Variants in ZNF774 observed in about 807,000 individuals in gnomAD.
ZNF774 encodes the protein zinc finger protein 774.
Under a neutral mutation model 11.1 loss-of-function variants are expected in ZNF774, and 14 were observed. The observed-to-expected ratio is 1.26, with a 90% CI of 0.83 to 1.97. The LOEUF is 1.97. Ranked by LOEUF, ZNF774 falls within the 30% of genes most tolerant of loss-of-function variation. ZNF774 has a pLI of 0.00. For missense variants in ZNF774, 599 were observed against 587.0 expected, an observed-to-expected ratio of 1.02 and a Z score of -0.21; for synonymous variants, 195 against 212.6, an observed-to-expected ratio of 0.92 and a Z score of 0.72.
At position 90,354,599 on chromosome 15, in the gene ZNF774, T is replaced by C. The variant is rs1325072857; in HGVS notation, c.-19-43T>C. The C allele has an allele frequency of 2.2e-6, 3 of 1,339,714 alleles. No homozygotes were observed. In the East Asian group the frequency reaches 7.3e-5, roughly 33 times the overall value. 83.0% of individuals were successfully genotyped at this position (1,339,714 alleles called of 1,614,324 possible). A position where few individuals can be genotyped will look rare whatever the true frequency, so the allele number is the denominator to read the frequency against. On this transcript the variant is annotated intron_variant, in intron 1 of 3. Transcript: ENST00000354377. ...TTTGGCTTTCAGACAATGGTGAGAA[T>C]ATCTAGGGAGCTACTGATGCACATT...
At position 90,355,489 on chromosome 15, in the gene ZNF774, C is replaced by T. The variant is rs552218681; in HGVS notation, c.104+725C>T. ...CCTGTAATCCCAGCACTTTGGTAGG[C>T]TGAGGTGGGCGGATCATAAGGTCAG... On this transcript the variant is annotated intron_variant, in intron 2 of 3. Coordinates refer to ENST00000354377, the MANE Select transcript of ZNF774 (RefSeq NM_001004309.3). 299 of 454,914 alleles carry T rather than the reference C, an allele frequency of 6.6e-4. 6 individuals are homozygous for T. The highest frequency in any genetic ancestry group is 4.5e-3 in the South Asian group (292 of 64,548). 28.2% of individuals were successfully genotyped at this position (454,914 alleles called of 1,614,324 possible).
Position 90,360,158 on chromosome 15 carries a change from A to T in ZNF774, c.327A>T (p.Gly109=), listed in dbSNP as rs1472214453. ...TTTCTCATACTCTTAGTTGGGGAGG[A>T]AACTGGGAGCAAGGCCTAGAATTAG... ...KDLSHTLSWG[G]NWEQGLELEG... The change falls in exon 4 of 4, where the codon GGA becomes GGT. Residue 109 remains glycine (G), a synonymous_variant. Coordinates refer to ENST00000354377, the MANE Select transcript of ZNF774 (RefSeq NM_001004309.3). 3 of 1,614,094 alleles carry T rather than the reference A, an allele frequency of 1.9e-6. No individual in the cohort carries two copies. Among genetic ancestry groups the T allele is most frequent in the Non-Finnish European group, 2.5e-6 (3 of 1,180,050 alleles).
rs761373842 is a variant in ZNF774, at chr15:90,354,765, G to T, written c.104+1G>T. On this transcript the variant is annotated splice_donor_variant, in intron 2 of 3. Coordinates refer to ENST00000354377, the MANE Select transcript of ZNF774 (RefSeq NM_001004309.3). LOFTEE classifies it high-confidence loss of function. ...AGTTAGAAGAATGGGCTCTCAAAGG[G>T]TAAGAATGCTACTCTCCTTTATTTC... 1.2e-6 allele frequency: 2 copies of T among 1,603,322 alleles called. No homozygotes were observed. The highest frequency in any genetic ancestry group is 1.7e-5 in the Admixed American group (1 of 59,420).
Position 90,360,843 on chromosome 15 carries a change from A to G in ZNF774, c.1012A>G (p.Met338Val), listed in dbSNP as rs771681769. 4.3e-6 allele frequency: 7 copies of G among 1,614,114 alleles called. No homozygotes were observed. Among genetic ancestry groups the G allele is most frequent in the South Asian group, 1.1e-5 (1 of 91,086 alleles). The change falls in exon 4 of 4, where the codon ATG becomes GTG. Residue 338 changes from methionine (M) to valine (V), a missense_variant. Met to Val is a conservative substitution (Grantham distance 21). Transcript: ENST00000354377. ...FRDSSHFVAH[M>V]STHSGERPFS... is the part of the protein sequence containing the mutation. ...AGATAGTTCTCATTTTGTAGCTCACATGAGCACTCATTCAGGAGAGAGGCC... is the reference window on the plus strand; with the variant it reads ...AGATAGTTCTCATTTTGTAGCTCACGTGAGCACTCATTCAGGAGAGAGGCC...
In ZNF774 at chr15:90,352,333, G is replaced by C. The variant is rs1964184032; in HGVS notation, c.-98G>C. 1 of 152,504 alleles carries C rather than the reference G, an allele frequency of 6.6e-6. No homozygotes were observed. Among genetic ancestry groups the C allele is most frequent in the African/African-American group, 2.4e-5 (1 of 41,468 alleles). The allele number at this position is 152,504 out of a possible 1,614,324, so 9.4% of individuals were successfully genotyped here. ...TCCCGGTCGGGTTCTGGGAGGCACAGCCTCGGGGTTGCGGGCCGGGTGCGG... is the reference window on the plus strand; with the variant it reads ...TCCCGGTCGGGTTCTGGGAGGCACACCCTCGGGGTTGCGGGCCGGGTGCGG... On this transcript the variant is annotated 5_prime_UTR_variant, in exon 1 of 4. Transcript: ENST00000354377.
rs1216923262 is a variant in ZNF774 at position 90,360,373 on chromosome 15, G to A, written c.542G>A (p.Cys181Tyr). 2 of 1,614,122 alleles carry A rather than the reference G, an allele frequency of 1.2e-6. No individual in the cohort carries two copies. The highest frequency in any genetic ancestry group is 2.2e-5 in the East Asian group (1 of 44,890). ...RTHTGERPYT[C>Y]IECGKGFKQS... ...CACACTGGCGAGAGGCCCTATACGT[G>A]CATTGAGTGTGGGAAAGGCTTCAAA... Residue 181 changes from cysteine (C) to tyrosine (Y), a missense_variant, in exon 4 of 4, where the codon TGC becomes TAC. Cys to Tyr is a radical substitution (Grantham distance 194). Transcript: ENST00000354377.
intron 2 of ZNF774, among the ~76,000 whole-genome samples, chr15:90,356,080 C>T: frequency 6.7e-6 from 1 of 148,184 alleles, no homozygotes; most frequent in Admixed American, 6.7e-5. Flanking sequence ...TGCTCTTTCT[C>T]AAATATCATG....
In ZNF774 at chr15:90,358,914, C is replaced by T. The variant is rs1964284315; in HGVS notation, c.168C>T (p.Leu56=). The change falls in exon 3 of 4, where the codon CTC becomes CTT. Residue 56 remains leucine, a synonymous_variant. Transcript: ENST00000354377. The part of the protein sequence containing the change: ...EQKEEPWVLP[L]QNFEARKIPR... The stretch of plus-strand genomic sequence containing the variant: ...AAGAAGAGCCATGGGTCCTACCACT[C>T]CAAAACTTTGAGGCGAGGAAGATCC... 6.2e-7 allele frequency: 1 copy of T among 1,613,776 alleles called. No homozygotes were observed. Among genetic ancestry groups the T allele is most frequent in the Non-Finnish European group, 8.5e-7 (1 of 1,179,818 alleles).
In ZNF774 at chr15:90,358,911, A is replaced by G; in HGVS notation, c.165A>G (p.Pro55=). Residue 55 remains proline, a synonymous_variant, in exon 3 of 4, where the codon CCA becomes CCG. Transcript: ENST00000354377. ...AGAAAGAAGAGCCATGGGTCCTACC[A>G]CTCCAAAACTTTGAGGCGAGGAAGA... The part of the protein sequence containing the change: ...PEQKEEPWVL[P]LQNFEARKIP... 4.3e-6 allele frequency: 7 copies of G among 1,613,654 alleles called. No homozygotes were observed. Among genetic ancestry groups the G allele is most frequent in the Non-Finnish European group, 5.9e-6 (7 of 1,179,800 alleles).
chr15:90,356,780 TTG>T (rs1232350053), intron 2 of ZNF774, among the ~76,000 whole-genome samples: 3 of 152,238 alleles, frequency 2.0e-5, no homozygotes, highest in African/African-American at 4.8e-5. Context: ...TATTATTTTG[TTG>T]ATGAAGTCAA....
intron 2 of ZNF774, 36 bp downstream of exon 2, chr15:90,354,800 T>C: frequency 6.5e-7 from 1 of 1,544,468 alleles, no homozygotes; most frequent in Non-Finnish European, 8.9e-7. Flanking sequence ...CATTTATTTA[T>C]CTTGTTTTTT....
In ZNF774 at chr15:90,361,648, C is replaced by T. The variant is rs1596233379; in HGVS notation, c.*365C>T. 4.0e-6 allele frequency: 2 copies of T among 499,876 alleles called. No homozygotes were observed. Among genetic ancestry groups the T allele is most frequent in the East Asian group, 2.5e-4 (2 of 7,970 alleles). 31.0% of individuals were successfully genotyped at this position (499,876 alleles called of 1,614,324 possible). ...TGAGCATGGTGAAACCTCATCTCTA[C>T]TAAAAATGCAAAAATTAGCTGGGCA... is the stretch of plus-strand genomic sequence containing the variant. On this transcript the variant is annotated 3_prime_UTR_variant, in exon 4 of 4. Transcript: ENST00000354377.
rs763857241 is a variant in ZNF774 at position 90,361,170 on chromosome 15, C to T, written c.1339C>T (p.Leu447Phe). The T allele has an allele frequency of 6.2e-7, 1 of 1,614,194 alleles. No homozygotes were observed. The highest frequency in any genetic ancestry group is 1.1e-5 in the South Asian group (1 of 91,084). The change falls in exon 4 of 4, where the codon CTC becomes TTC. Residue 447 changes from leucine to phenylalanine, a missense_variant. Transcript: ENST00000354377. ...GKTFNQRSHF[L>F]THQRTHTGEK... ...GACCTTCAATCAGCGTTCCCATTTC[C>T]TCACACACCAGAGAACGCATACAGG... is the stretch of plus-strand genomic sequence containing the variant.
At position 90,358,882 on chromosome 15, in the gene ZNF774, G is replaced by A. The variant is rs376425989; in HGVS notation, c.136G>A (p.Glu46Lys). ...ISRPSVISQPEQKEEPWVLPL... is the reference protein window; with the variant it reads ...ISRPSVISQPKQKEEPWVLPL... ...CAGGCCTAGTGTAATCTCCCAGCCG[G>A]AGCAGAAAGAAGAGCCATGGGTCCT... Residue 46 changes from glutamate (E) to lysine (K), a missense_variant, in exon 3 of 4, where the codon GAG becomes AAG. Physicochemically the swap from Glu to Lys is moderately conservative, Grantham distance 56. Coordinates refer to ENST00000354377, the MANE Select transcript of ZNF774 (RefSeq NM_001004309.3). 1 of 1,613,420 alleles carries A rather than the reference G, an allele frequency of 6.2e-7. No individual in the cohort carries two copies. The highest frequency in any genetic ancestry group is 8.5e-7 in the Non-Finnish European group (1 of 1,179,606).
intron 2 of ZNF774, among the ~76,000 whole-genome samples, chr15:90,357,965 G>A (rs1183573122): frequency 6.7e-6 from 1 of 149,118 alleles, no homozygotes; most frequent in Admixed American, 6.8e-5. Context: ...GTGTGACCTC[G>A]ATTCACCATA....
chr15:90,359,634 T>C (rs1328994670), intron 3 of ZNF774, among the ~76,000 whole-genome samples: 3 of 152,024 alleles, frequency 2.0e-5, no homozygotes, highest in Admixed American at 2.0e-4. Context: ...TTCATATTTT[T>C]AGTAGGGATG....
chr15:90,360,794 C>T lies in ZNF774; in HGVS notation c.963C>T (p.Cys321=), dbSNP rs752842144. ...ACACGGGAGAACGGCCCTTCAAATGCCCGGAGTGCGGGAAGGGCTTCAGAG... is the reference window on the plus strand; with the variant it reads ...ACACGGGAGAACGGCCCTTCAAATGTCCGGAGTGCGGGAAGGGCTTCAGAG... The part of the protein sequence containing the change: ...RTHTGERPFK[C]PECGKGFRDS... Residue 321 remains cysteine (C), a synonymous_variant, in exon 4 of 4, where the codon TGC becomes TGT. Transcript: ENST00000354377. 13 of 1,613,936 alleles carry T rather than the reference C, an allele frequency of 8.1e-6. 1 individual carries two copies. Among genetic ancestry groups the T allele is most frequent in the South Asian group, 5.5e-5 (5 of 91,086 alleles).
intron 1 of ZNF774, among the ~76,000 whole-genome samples, chr15:90,352,815 TGAG>T (rs1321131024): frequency 4.6e-5 from 7 of 151,982 alleles, no homozygotes; most frequent in Non-Finnish European, 1.0e-4. Context: ...GTGGGGCCTT[TGAG>T]GTCACCTGTG....
rs1964340231 is a variant in ZNF774 at position 90,361,721 on chromosome 15, A to G, written c.*438A>G. The G allele has an allele frequency of 6.0e-6, 1 of 166,600 alleles. No individual in the cohort carries two copies. Among genetic ancestry groups the G allele is most frequent in the South Asian group, 1.7e-4 (1 of 5,858 alleles). 10.3% of individuals were successfully genotyped at this position (166,600 alleles called of 1,614,324 possible). ...CAGCTACTCGGGAGGCCGAGGCAGA[A>G]GAATCATTTGAACTCAGAAGGTGCA... On this transcript the variant is annotated 3_prime_UTR_variant, in exon 4 of 4. Coordinates refer to ENST00000354377, the MANE Select transcript of ZNF774 (RefSeq NM_001004309.3).
Sources: allele counts gnomAD v4.1 joint callset (sites outside exome capture counted in the v4.1 genomes callset), GRCh38; gene constraint gnomAD v4.1.1; transcripts MANE v1.5; gene names NCBI Gene and HGNC (gene_info 2026-07-23, HGNC 2026-07-21).